Variants in GNRHR observed in about 807,000 individuals in gnomAD.
GNRHR encodes the protein gonadotropin-releasing hormone receptor.
A neutral mutation model predicts 28.1 loss-of-function variants in GNRHR; 14 were observed. The ratio of observed to expected loss-of-function variants is 0.50; its 90% CI spans 0.33 to 0.78. GNRHR has a LOEUF of 0.78. Ranked by LOEUF, GNRHR falls within the 30% of genes least tolerant of loss-of-function variation. The pLI is 0.02. For synonymous variants in GNRHR, 141 were observed against 140.5 expected (o/e 1.00, Z -0.02); for missense variants, 366 against 382.1 (o/e 0.96, Z 0.35).
intron 1 of GNRHR, among the ~76,000 whole-genome samples, chr4:67,745,201 G>A (rs1395328072): frequency 6.6e-6 from 1 of 151,850 alleles, no homozygotes; most frequent in East Asian, 1.9e-4. Flanking sequence ...TTTAGAGACA[G>A]AAGCCCTATT....
At position 67,740,469 on chromosome 4, in the gene GNRHR, T is replaced by G. The variant is rs1017038022; in HGVS notation, c.*11A>C. The stretch of plus-strand genomic sequence containing the variant: ...ACCCTTCTTCATATGACTTCTTGTG[T>G]AGTCTATCAATCACAGAGAAAAATA... On this transcript the variant is annotated 3_prime_UTR_variant, in exon 3 of 3. Transcript: ENST00000226413. The G allele has an allele frequency of 2.5e-6, 4 of 1,585,884 alleles. No individual in the cohort carries two copies. Among genetic ancestry groups the G allele is most frequent in the Non-Finnish European group, 3.5e-6 (4 of 1,154,610 alleles).
rs145112872 is a variant in GNRHR, at chr4:67,738,284, C to T, written c.*2196G>A. On this transcript the variant is annotated 3_prime_UTR_variant, in exon 3 of 3. Transcript: ENST00000226413. The stretch of plus-strand genomic sequence containing the variant: ...TAACCTTTTTTTGTGCTATGAGCTG[C>T]TGTGGCAGTCTGGTCCATCCCTCTC... Among the ~76,000 whole-genome samples the T allele has an allele frequency of 4.7e-3, 720 of 151,632 alleles. 8 individuals carry two copies. Among genetic ancestry groups the T allele is most frequent in the African/African-American group, 0.017 (684 of 41,414 alleles).
Position 67,744,801 on chromosome 4 carries a change from TA to T in GNRHR, c.523-15del, listed in dbSNP as rs569763619. Reference sequence around the variant, plus strand: ...GAAGATGTATAACTGTATGAGACAATAAAAAGCTATGTTACTTTTTTCCATA... The same window carrying T: ...GAAGATGTATAACTGTATGAGACAATAAAAGCTATGTTACTTTTTTCCATA... On this transcript the variant is annotated splice_polypyrimidine_tract_variant and intron_variant, in intron 1 of 2. Transcript: ENST00000226413. 786 of 1,386,056 alleles carry T rather than the reference TA, an allele frequency of 5.7e-4. 10 individuals carry two copies. In the South Asian group the frequency reaches 8.3e-3, roughly 15 times the overall value. The allele number at this position is 1,386,056 out of a possible 1,614,324, so 85.9% of individuals were successfully genotyped here. A position where few individuals can be genotyped will look rare whatever the true frequency, so the allele number is the denominator to read the frequency against.
In GNRHR at chr4:67,750,263, T is replaced by C. The variant is rs1487940731; in HGVS notation, c.522+3551A>G. The stretch of plus-strand genomic sequence containing the variant: ...AACTTTGCTGCAAGGAGATAGGAAG[T>C]CTTTAGTAACTGTGACTGAGAGCTA... On this transcript the variant is annotated intron_variant, in intron 1 of 2. Coordinates refer to ENST00000226413, the MANE Select transcript of GNRHR (RefSeq NM_000406.3). Among the ~76,000 whole-genome samples, 6 of 152,194 alleles carry C rather than the reference T, an allele frequency of 3.9e-5. No individual in the cohort carries two copies. The East Asian group carries it at 1.2e-3, about 29-fold the overall frequency.
At position 67,739,082 on chromosome 4, in the gene GNRHR, T is replaced by C. The variant is rs1184676114; in HGVS notation, c.*1398A>G. On this transcript the variant is annotated 3_prime_UTR_variant, in exon 3 of 3. Transcript: ENST00000226413. ...CATAGCTCATATAAATATAATGGTA[T>C]CTTACCTATTTAAAAAATGTTAAAT... Among the ~76,000 whole-genome samples, 2 of 152,010 alleles carry C rather than the reference T, an allele frequency of 1.3e-5. No homozygotes were observed. The highest frequency in any genetic ancestry group is 2.9e-5 in the Non-Finnish European group (2 of 67,890).
At chr4:67,741,818 C>G (rs980359269) in intron 2 of GNRHR, among the ~76,000 whole-genome samples, 3 of 150,266 alleles carry the variant, frequency 2.0e-5, no homozygotes, top group Non-Finnish European at 4.5e-5. Flanking sequence ...TGAGCATTTT[C>G]CCCTATGCTT....
intron 2 of GNRHR, among the ~76,000 whole-genome samples, chr4:67,744,289 A>C (rs1317359763): frequency 6.6e-6 from 1 of 152,212 alleles, no homozygotes. Context: ...ACCATTTGCC[A>C]ATTCTTATCC....
At chr4:67,744,878 A>G in intron 1 of GNRHR, 91 bp from the exon 2 acceptor site, 3 of 735,188 alleles carry the variant, frequency 4.1e-6, no homozygotes, top group Non-Finnish European at 7.2e-6. Flanking sequence ...CTAACATGTT[A>G]CCTAAAGCAA....
At position 67,738,925 on chromosome 4, in the gene GNRHR, A is replaced by G. The variant is rs978224882; in HGVS notation, c.*1555T>C. ...GATATGAAAAAAACAACAACACAAC[A>G]CTATAAAACTGAAGTATGAGAGGAG... On this transcript the variant is annotated 3_prime_UTR_variant, in exon 3 of 3. Transcript: ENST00000226413. Among the ~76,000 whole-genome samples the G allele has an allele frequency of 6.6e-6, 1 of 151,808 alleles. No homozygotes were observed. The highest frequency in any genetic ancestry group is 6.6e-5 in the Admixed American group (1 of 15,216).
chr4:67,747,876 A>C (rs1179701632), intron 1 of GNRHR, among the ~76,000 whole-genome samples: 1 of 152,124 alleles, frequency 6.6e-6, no homozygotes, highest in African/African-American at 2.4e-5. Context: ...ATAAATTTTA[A>C]GAAAGGTATA....
intron 1 of GNRHR, among the ~76,000 whole-genome samples, chr4:67,749,500 G>T (rs1330986917): frequency 6.6e-6 from 1 of 152,028 alleles, no homozygotes; most frequent in African/African-American, 2.4e-5. Flanking sequence ...TTAGATACGG[G>T]CACATCTAAT....
At chr4:67,741,403 G>A (rs1731657081) in intron 2 of GNRHR, among the ~76,000 whole-genome samples, 1 of 152,170 alleles carries the variant, frequency 6.6e-6, no homozygotes, top group Non-Finnish European at 1.5e-5. Flanking sequence ...TGGCTGAGCA[G>A]TATTCTATAG....
Position 67,744,760 on chromosome 4 carries a change from C to T in GNRHR, c.550G>A (p.Ala184Thr). The change falls in exon 2 of 3, where the codon GCA (alanine) becomes ACA (threonine). Residue 184 changes from alanine (A) to threonine (T), a missense_variant. By Grantham distance (58) the Ala-to-Thr change is moderately conservative. Transcript: ENST00000226413. Reference protein sequence around the residue: ...QLYIFRMIHLADSSGQTKVFS... With the variant: ...QLYIFRMIHLTDSSGQTKVFS... ...ACTTTTGTCTGTCCAGAGCTGTCTG[C>T]TAGATGAATCATCCTGAAGATGTAT... 1 of 1,589,516 alleles carries T rather than the reference C, an allele frequency of 6.3e-7. No homozygotes were observed. The highest frequency in any genetic ancestry group is 8.6e-7 in the Non-Finnish European group (1 of 1,157,582).
Position 67,737,729 on chromosome 4 carries a change from C to T in GNRHR, c.*2751G>A, listed in dbSNP as rs1245070570. ...TTTATTGTCATTAGTTAATGTCACT[C>T]CTGTACTAAACTGAATTGCTAAAAG... is the stretch of plus-strand genomic sequence containing the variant. On this transcript the variant is annotated 3_prime_UTR_variant, in exon 3 of 3. Transcript: ENST00000226413. Among the ~76,000 whole-genome samples the T allele has an allele frequency of 6.6e-6, 1 of 151,766 alleles. No individual in the cohort carries two copies. Among genetic ancestry groups the T allele is most frequent in the African/African-American group, 2.4e-5 (1 of 41,364 alleles).
chr4:67,741,355 C>T (rs1731655785), intron 2 of GNRHR, among the ~76,000 whole-genome samples: 1 of 152,060 alleles, frequency 6.6e-6, no homozygotes, highest in South Asian at 2.1e-4. Context: ...CAATTCTATC[C>T]AGGTTGCTGC....
chr4:67,742,711 TA>T (rs1379205516), intron 2 of GNRHR, among the ~76,000 whole-genome samples: 3 of 152,194 alleles, frequency 2.0e-5, no homozygotes, highest in Non-Finnish European at 4.4e-5. Context: ...TCACACACTA[TA>T]TTTTTTTTGA....
chr4:67,754,068 C>T lies in GNRHR; in HGVS notation c.268G>A (p.Glu90Lys), dbSNP rs104893844. ...TCCAGTGGCATGACAATCAGAGTCT[C>T]CAACAGGTTGGCTAAGGTCAGATGT... ...LKHLTLANLL[E>K]TLIVMPLDGM... The change falls in exon 1 of 3, where the codon GAG (glutamate) becomes AAG (lysine). Residue 90 changes from glutamate (E) to lysine (K), a missense_variant. Glu to Lys is a moderately conservative substitution (Grantham distance 56). Transcript: ENST00000226413. 6.2e-6 allele frequency: 10 copies of T among 1,614,064 alleles called. No homozygotes were observed. In the Admixed American group the frequency reaches 1.7e-4, roughly 27 times the overall value.
chr4:67,738,054 C>T lies in GNRHR; in HGVS notation c.*2426G>A, dbSNP rs1375242252. 2.6e-5 allele frequency among the ~76,000 whole-genome samples: 4 copies of T among 151,378 alleles called. No homozygotes were observed. Among genetic ancestry groups the T allele is most frequent in the Non-Finnish European group, 4.4e-5 (3 of 67,674 alleles). ...ATTATAATTTATGAACCATAATATT[C>T]ATATAGAATAATTATTTGTGTTATG... On this transcript the variant is annotated 3_prime_UTR_variant, in exon 3 of 3. Transcript: ENST00000226413.
intron 2 of GNRHR, among the ~76,000 whole-genome samples, chr4:67,743,194 C>T (rs1731693571): frequency 6.6e-6 from 1 of 152,130 alleles, no homozygotes; most frequent in African/African-American, 2.4e-5. Flanking sequence ...GCAGGTGGTC[C>T]ACCTGCTTCG....
Sources: gnomAD v4.1 joint callset for allele counts (sites outside exome capture counted in the v4.1 genomes callset) on GRCh38, gnomAD v4.1.1 for gene constraint, MANE v1.5 for transcripts, NCBI Gene and HGNC (gene_info 2026-07-23, HGNC 2026-07-21) for gene names.